Variants in ASTN1 observed in about 807,000 individuals in gnomAD.
The protein encoded by ASTN1 is astrotactin-1.
Under a neutral mutation model 140.7 loss-of-function variants are expected in ASTN1, and 41 were observed. The observed-to-expected ratio is 0.29, with a 90% CI of 0.23 to 0.38. The LOEUF is 0.38. ASTN1 is among the 10% of genes least tolerant of loss of function. The pLI is 1.00. For synonymous variants in ASTN1, 640 were observed against 652.2 expected (o/e 0.98, Z 0.29); for missense variants, 1,479 against 1,678.8 (o/e 0.88, Z 2.08).
chr1:177,002,818 C>T (rs1233047513), intron 8 of ASTN1, among the ~76,000 whole-genome samples: 1 of 152,034 alleles, frequency 6.6e-6, no homozygotes, highest in Non-Finnish European at 1.5e-5. Context: ...TAATTACTCA[C>T]CTTTTTTTAA....
At chr1:176,963,126 A>C (rs531172012) in intron 9 of ASTN1, among the ~76,000 whole-genome samples, 1 of 152,342 alleles carries the variant, frequency 6.6e-6, no homozygotes, top group Admixed American at 6.5e-5. Flanking sequence ...TAAGAACAAA[A>C]GGTTCTCTAG....
In ASTN1 at chr1:177,061,130, G is replaced by A. The variant is rs761554699; in HGVS notation, c.419C>T (p.Pro140Leu). The A allele has an allele frequency of 6.2e-7, 1 of 1,611,760 alleles. No individual in the cohort carries two copies. Among genetic ancestry groups the A allele is most frequent in the Non-Finnish European group, 8.5e-7 (1 of 1,179,012 alleles). Residue 140 changes from proline to leucine, a missense_variant, in exon 2 of 23, where the codon CCC becomes CTC. Pro to Leu is a moderately conservative substitution (Grantham distance 98). Coordinates refer to ENST00000361833, the MANE Select transcript of ASTN1 (RefSeq NM_004319.3). Reference protein sequence around the residue: ...SLPGQDPTEEPQHESAEEELR... With the variant: ...SLPGQDPTEELQHESAEEELR... ...CTCCTCTTCTGCCGACTCATGTTGG[G>A]GTTCTTCAGTGGGGTCTTGTCCAGG...
chr1:177,006,881 A>G lies in ASTN1; in HGVS notation c.1523+7910T>C, dbSNP rs543343056. Among the ~76,000 whole-genome samples the G allele has an allele frequency of 2.6e-5, 4 of 152,286 alleles. No homozygotes were observed. The East Asian group carries it at 7.7e-4, about 29-fold the overall frequency. On this transcript the variant is annotated intron_variant, in intron 8 of 22. Transcript: ENST00000361833. ...TATCCCTCAGTCTTGGGAAAGCGGG[A>G]TGCAGAGAAGCAGGCTGTCAAACAT...
At chr1:176,859,609 T>A (rs1316968706), downstream of ASTN1, among the ~76,000 whole-genome samples, 2 of 152,118 alleles carry the variant, frequency 1.3e-5, no homozygotes, top group African/African-American at 4.8e-5. Flanking sequence ...GGCGGAACCC[T>A]GTCTCTACTG....
chr1:176,990,521 G>A (rs76361693), intron 8 of ASTN1, among the ~76,000 whole-genome samples: 143 of 152,044 alleles, frequency 9.4e-4, no homozygotes, highest in Non-Finnish European at 9.9e-4. Context: ...GTGAGGCAGT[G>A]GGGGCAAAAG....
intron 8 of ASTN1, among the ~76,000 whole-genome samples, chr1:176,985,434 G>A (rs901690771): frequency 1.3e-5 from 2 of 151,892 alleles, no homozygotes; most frequent in Admixed American, 6.6e-5. Flanking sequence ...CTTTGTCCCT[G>A]CTCTTGGCTG....
intron 9 of ASTN1, among the ~76,000 whole-genome samples, chr1:176,959,139 A>T (rs1008051507): frequency 6.6e-6 from 1 of 152,224 alleles, no homozygotes; most frequent in African/African-American, 2.4e-5. Context: ...TAAAAGGAAT[A>T]AAAGAATCAA....
chr1:177,112,498 G>A (rs11589923), intron 1 of ASTN1, among the ~76,000 whole-genome samples: 8,001 of 152,270 alleles, frequency 0.053, 238 homozygotes, highest in Admixed American at 0.065. Context: ...CAATCAGACC[G>A]GGGACATTGA....
rs187800703 is a variant in ASTN1 at position 176,970,855 on chromosome 1, C to T, written c.1524-5618G>A. Among the ~76,000 whole-genome samples, 230 of 151,796 alleles carry T rather than the reference C, an allele frequency of 1.5e-3. 1 individual carries two copies. In the Middle Eastern group the frequency reaches 0.034, roughly 22 times the overall value. On this transcript the variant is annotated intron_variant, in intron 8 of 22. Coordinates refer to ENST00000361833, the MANE Select transcript of ASTN1 (RefSeq NM_004319.3). ...ATTAAGGGCTTTAAGAAACTATGAG[C>T]TTTTTCCGGACTTACATATTATTCT...
chr1:177,057,801 C>G, intron 2 of ASTN1, among the ~76,000 whole-genome samples: 1 of 152,278 alleles, frequency 6.6e-6, no homozygotes, highest in Non-Finnish European at 1.5e-5. Flanking sequence ...CATTTCACTT[C>G]TCAATATTGT....
At chr1:177,106,452 G>T (rs1325821877) in intron 1 of ASTN1, among the ~76,000 whole-genome samples, 2 of 152,096 alleles carry the variant, frequency 1.3e-5, no homozygotes, top group Non-Finnish European at 2.9e-5. Context: ...TTCTGCTGCA[G>T]CTTACAGTCT....
At chr1:176,958,882 G>C (rs1309606682) in intron 9 of ASTN1, among the ~76,000 whole-genome samples, 4 of 152,146 alleles carry the variant, frequency 2.6e-5, no homozygotes, top group African/African-American at 9.7e-5. Context: ...GGTGGCAATG[G>C]CATCTCTCTG....
At chr1:176,883,524 T>G (rs1016016647) in intron 19 of ASTN1, among the ~76,000 whole-genome samples, 2 of 152,184 alleles carry the variant, frequency 1.3e-5, no homozygotes, top group African/African-American at 4.8e-5. Flanking sequence ...TTTCTTGGCA[T>G]GGACAGAGAT....
chr1:176,930,757 T>A (rs1460709144), intron 16 of ASTN1, among the ~76,000 whole-genome samples: 2 of 151,890 alleles, frequency 1.3e-5, no homozygotes, highest in Non-Finnish European at 2.9e-5. Flanking sequence ...CAGCTGAAAG[T>A]GATAATTTGA....
rs1361670520 is a variant in ASTN1 at position 177,036,394 on chromosome 1, T to C, written c.472-3545A>G. On this transcript the variant is annotated intron_variant, in intron 2 of 22. Transcript: ENST00000361833. ...GTTACCAGGAATAAGCTTCAGCCAATAGGTAAAACTCAGCACAAGCATTTG... is the reference window on the plus strand; with the variant it reads ...GTTACCAGGAATAAGCTTCAGCCAACAGGTAAAACTCAGCACAAGCATTTG... 2.0e-5 allele frequency among the ~76,000 whole-genome samples: 3 copies of C among 152,080 alleles called. 1 individual carries two copies. The highest frequency in any genetic ancestry group is 2.1e-4 in the South Asian group (1 of 4,818).
chr1:177,030,800 G>A lies in ASTN1; in HGVS notation c.1012+6C>T. On this transcript the variant is annotated splice_donor_region_variant and intron_variant, in intron 4 of 22. Transcript: ENST00000361833. ...ACCCACGAGCCCTAATGTCAGACAT[G>A]CATACCTCTTGCTTTGTTGTTGATC... 1.9e-6 allele frequency: 3 copies of A among 1,614,046 alleles called. No homozygotes were observed. Among genetic ancestry groups the A allele is most frequent in the Non-Finnish European group, 2.5e-6 (3 of 1,179,944 alleles).
At chr1:177,043,579 A>G (rs1677075569) in intron 2 of ASTN1, among the ~76,000 whole-genome samples, 2 of 152,368 alleles carry the variant, frequency 1.3e-5, no homozygotes, top group South Asian at 4.1e-4. Context: ...AGAAAATTCT[A>G]ATCACAGGCC....
At chr1:177,150,833 A>G (rs1004325942) in intron 1 of ASTN1, among the ~76,000 whole-genome samples, 45 of 152,316 alleles carry the variant, frequency 3.0e-4, no homozygotes, top group African/African-American at 1.0e-3. Flanking sequence ...TAAAATTCTA[A>G]TGGAACACAG....
intron 20 of ASTN1, among the ~76,000 whole-genome samples, chr1:176,879,592 A>G (rs544534791): frequency 6.6e-6 from 1 of 152,090 alleles, no homozygotes; most frequent in African/African-American, 2.4e-5. Flanking sequence ...AGCTGGCCCA[A>G]GCTCTGCCCT....
Sources: allele counts gnomAD v4.1 joint callset (sites outside exome capture counted in the v4.1 genomes callset), GRCh38; gene constraint gnomAD v4.1.1; transcripts MANE v1.5; gene names NCBI Gene and HGNC (gene_info 2026-07-23, HGNC 2026-07-21).